Variants in SNTG2 observed in about 807,000 individuals in gnomAD.
The protein encoded by SNTG2 is gamma-2-syntrophin.
Under a neutral mutation model 70.9 loss-of-function variants are expected in SNTG2, and 74 were observed. The observed-to-expected ratio is 1.04, with a 90% CI of 0.86 to 1.27. The LOEUF (loss-of-function observed/expected upper bound fraction) is 1.27. Ranked by LOEUF, SNTG2 falls within the 50% of genes most tolerant of loss-of-function variation. The probability of loss-of-function intolerance (pLI) is 0.00; values close to 1 mark genes in which losing one functional copy is unlikely to be tolerated. For missense variants in SNTG2, 717 were observed against 690.7 expected, an observed-to-expected ratio of 1.04 and a Z score of -0.43; for synonymous variants, 278 against 273.8, an observed-to-expected ratio of 1.02 and a Z score of -0.15.
chr2:1,007,446 A>G (rs1326412452), intron 1 of SNTG2, among the ~76,000 whole-genome samples: 1 of 152,208 alleles, frequency 6.6e-6, no homozygotes, highest in Non-Finnish European at 1.5e-5. Context: ...TGGGCAGGAA[A>G]CAAAACTTCC....
chr2:1,098,331 T>C (rs1558395947), intron 3 of SNTG2, 22 bp from the exon 4 acceptor site: 1 of 1,613,992 alleles, frequency 6.2e-7, no homozygotes, highest in Non-Finnish European at 8.5e-7. Context: ...CCACGTTTCT[T>C]TCTGATGGCT....
chr2:1,204,050 T>A (rs1673472356), intron 8 of SNTG2, among the ~76,000 whole-genome samples: 1 of 152,180 alleles, frequency 6.6e-6, no homozygotes, highest in Non-Finnish European at 1.5e-5. Flanking sequence ...TGATAGTGCA[T>A]CATTCGATTA....
chr2:1,282,289 A>G (rs1412840046), intron 14 of SNTG2, among the ~76,000 whole-genome samples: 1 of 152,156 alleles, frequency 6.6e-6, no homozygotes. Context: ...GCCCATTTTC[A>G]TTCCATACTA....
At chr2:1,282,127 C>T (rs1679573672) in intron 14 of SNTG2, among the ~76,000 whole-genome samples, 1 of 152,190 alleles carries the variant, frequency 6.6e-6, no homozygotes, top group South Asian at 2.1e-4. Flanking sequence ...GCCCACCTTA[C>T]TTATTGGCTT....
chr2:1,298,731 A>G (rs1680324884), intron 14 of SNTG2, among the ~76,000 whole-genome samples: 1 of 152,186 alleles, frequency 6.6e-6, no homozygotes, highest in Non-Finnish European at 1.5e-5. Context: ...GACACAAAGT[A>G]TTGATCCTGG....
chr2:1,042,748 A>C (rs1025102627), intron 1 of SNTG2, among the ~76,000 whole-genome samples: 3 of 152,082 alleles, frequency 2.0e-5, no homozygotes, highest in Non-Finnish European at 4.4e-5. Context: ...TATGGACCAC[A>C]TTTTCTTTAT....
intron 2 of SNTG2, among the ~76,000 whole-genome samples, chr2:1,090,244 C>T (rs1664935725): frequency 6.6e-6 from 1 of 152,172 alleles, no homozygotes; most frequent in Non-Finnish European, 1.5e-5. Flanking sequence ...AAGTTTTCTG[C>T]ACATTCTTAG....
At chr2:991,762 A>G (rs976953495) in intron 1 of SNTG2, among the ~76,000 whole-genome samples, 1 of 152,178 alleles carries the variant, frequency 6.6e-6, no homozygotes. Context: ...AGTTACCTGC[A>G]TGTCATCCTG....
chr2:1,086,322 G>GTC (rs796704725), intron 2 of SNTG2, among the ~76,000 whole-genome samples: 373 of 152,200 alleles, frequency 2.5e-3, no homozygotes, highest in African/African-American at 8.5e-3. Flanking sequence ...CGCTCTCTCT[G>GTC]TCTCTCTCTC....
In SNTG2 at chr2:1,145,422, G is replaced by A. The variant is rs368374382; in HGVS notation, c.411+7613G>A. Among the ~76,000 whole-genome samples the A allele has an allele frequency of 2.1e-3, 323 of 152,266 alleles. 1 individual carries two copies. Among genetic ancestry groups the A allele is most frequent in the African/African-American group, 7.7e-3 (318 of 41,558 alleles). ...ATATTACTATAGATCCTATGGACAT[G>A]ACATACACCTCTATGCTGACAAATT... On this transcript the variant is annotated intron_variant, in intron 6 of 16. Transcript: ENST00000308624.
intron 4 of SNTG2, among the ~76,000 whole-genome samples, chr2:1,128,841 C>T (rs1667858488): frequency 6.6e-6 from 1 of 152,076 alleles, no homozygotes; most frequent in Non-Finnish European, 1.5e-5. Context: ...CTCAGTTTGT[C>T]TTTTCACAGC....
rs141587164 is a variant in SNTG2 at position 964,216 on chromosome 2, A to C, written c.72+13148A>C. Reference sequence around the variant, plus strand: ...TTTTTAGAAAGAGAGCAATTTTCTAAAATAAATTCCTTATTAAGAAGGAGT... The same window carrying C: ...TTTTTAGAAAGAGAGCAATTTTCTACAATAAATTCCTTATTAAGAAGGAGT... On this transcript the variant is annotated intron_variant, in intron 1 of 16. Transcript: ENST00000308624. 1.9e-3 allele frequency among the ~76,000 whole-genome samples: 294 copies of C among 152,272 alleles called. 1 individual carries two copies. The highest frequency in any genetic ancestry group is 6.8e-3 in the Middle Eastern group (2 of 294).
intron 6 of SNTG2, among the ~76,000 whole-genome samples, chr2:1,159,042 A>T (rs1255952415): frequency 6.6e-6 from 1 of 151,850 alleles, no homozygotes; most frequent in Non-Finnish European, 1.5e-5. Context: ...ATGTGTGTGC[A>T]TGTATGTGTC....
intron 12 of SNTG2, among the ~76,000 whole-genome samples, chr2:1,253,608 C>T (rs1390680755): frequency 6.6e-6 from 1 of 152,118 alleles, no homozygotes; most frequent in Non-Finnish European, 1.5e-5. Context: ...GGCTTTTGAT[C>T]TCGTTCAAGA....
chr2:1,341,935 T>A (rs1212321403), intron 16 of SNTG2, among the ~76,000 whole-genome samples: 1 of 150,768 alleles, frequency 6.6e-6, no homozygotes, highest in African/African-American at 2.4e-5. Flanking sequence ...AGGCTCAGAC[T>A]CCTGGGCTCA....
intron 8 of SNTG2, among the ~76,000 whole-genome samples, chr2:1,193,038 C>T (rs748196233): frequency 1.3e-5 from 2 of 152,150 alleles, no homozygotes; most frequent in African/African-American, 4.8e-5. Flanking sequence ...ATGAGGGGCT[C>T]AGGGAGGAGG....
rs191627477 is a variant in SNTG2, at chr2:1,188,820, A to G, written c.591+15637A>G. Reference sequence around the variant, plus strand: ...TTGAACTGTAATATTAACAAAGTTGAACACATGGGCATAGTAGTTTATCAA... The same window carrying G: ...TTGAACTGTAATATTAACAAAGTTGGACACATGGGCATAGTAGTTTATCAA... On this transcript the variant is annotated intron_variant, in intron 8 of 16. Transcript: ENST00000308624. Among the ~76,000 whole-genome samples, 127 of 152,292 alleles carry G rather than the reference A, an allele frequency of 8.3e-4. 1 individual carries two copies. The highest frequency in any genetic ancestry group is 2.8e-3 in the African/African-American group (117 of 41,578).
chr2:1,109,510 G>T (rs1666302901), intron 4 of SNTG2, among the ~76,000 whole-genome samples: 1 of 152,110 alleles, frequency 6.6e-6, no homozygotes, highest in South Asian at 2.1e-4. Context: ...ATGGGCAAGG[G>T]ACGCATGATT....
intron 1 of SNTG2, among the ~76,000 whole-genome samples, chr2:1,005,810 TA>T: frequency 1.3e-3 from 1 of 758 alleles, no homozygotes; most frequent in Non-Finnish European, 2.5e-3. Flanking sequence ...CCTCAAAATA[TA>T]TATATATATA....
Sources: gnomAD v4.1 joint callset for allele counts (sites outside exome capture counted in the v4.1 genomes callset) on GRCh38, gnomAD v4.1.1 for gene constraint, MANE v1.5 for transcripts, NCBI Gene and HGNC (gene_info 2026-07-23, HGNC 2026-07-21) for gene names.